ERBB3: variants seen among roughly 807,000 people sequenced by gnomAD.
ERBB3 encodes erb-b2 receptor tyrosine kinase 3.
Under a neutral mutation model 156.7 loss-of-function variants are expected in ERBB3, and 96 were observed. The ratio of observed to expected loss-of-function variants is 0.61; its 90% CI spans 0.52 to 0.73. The LOEUF (loss-of-function observed/expected upper bound fraction) is 0.73. ERBB3 is among the 30% of genes least tolerant of loss of function. The pLI, the probability that ERBB3 is intolerant of heterozygous loss-of-function variation, is 0.00. For synonymous variants in ERBB3, 567 were observed against 632.0 expected, an observed-to-expected ratio of 0.90 and a Z score of 1.54; for missense variants, 1,406 against 1,709.4, an observed-to-expected ratio of 0.82 and a Z score of 3.13.
At chr12:56,093,686 G>A in intron 12 of ERBB3, 78 bp from the exon 13 acceptor site, 1 of 1,595,854 alleles carries the variant, frequency 6.3e-7, no homozygotes, top group Non-Finnish European at 8.6e-7. Context: ...GCTGGAAGCA[G>A]TAACGAGGAA....
chr12:56,094,581 G>C, intron 15 of ERBB3, 25 bp downstream of exon 15: 1 of 1,612,488 alleles, frequency 6.2e-7, no homozygotes, highest in Non-Finnish European at 8.5e-7. Context: ...AATAAGGAGA[G>C]GGGGTCAGGT....
In ERBB3 at chr12:56,086,638, A is replaced by G. The variant is rs1446901933; in HGVS notation, c.529A>G (p.Lys177Glu). ...VRDRDAEIVVKDNGRSCPPCH... is the reference protein window; with the variant it reads ...VRDRDAEIVVEDNGRSCPPCH... ...GGACCGAGATGCTGAGATAGTGGTG[A>G]AGGACAATGGCAGAAGCTGTAAGTG... Residue 177 changes from lysine to glutamate, a missense_variant, in exon 4 of 28, where the codon AAG becomes GAG. Physicochemically the swap from Lys to Glu is moderately conservative, Grantham distance 56. Around this residue, in one of 3 missense-constraint regions of ERBB3, gnomAD observed 979 missense variants for 1,219.6 expected, o/e 0.80. Coordinates refer to ENST00000267101, the MANE Select transcript of ERBB3 (RefSeq NM_001982.4). 2.5e-6 allele frequency: 4 copies of G among 1,614,114 alleles called. No homozygotes were observed. The Admixed American group carries it at 5.0e-5, about 20-fold the overall frequency.
intron 9 of ERBB3, among the ~76,000 whole-genome samples, chr12:56,091,466 T>C (rs965377938): frequency 6.8e-6 from 1 of 146,016 alleles, no homozygotes; most frequent in Non-Finnish European, 1.5e-5. Flanking sequence ...TGGAGTGCAG[T>C]GGCGTGATCT....
Position 56,101,962 on chromosome 12 carries a change from T to C in ERBB3, c.3936T>C (p.Thr1312=), listed in dbSNP as rs776852010. 6.2e-7 allele frequency: 1 copy of C among 1,613,722 alleles called. No homozygotes were observed. The change falls in exon 28 of 28, where the codon ACT becomes ACC. Residue 1312 remains threonine (T), a synonymous_variant. Coordinates refer to ENST00000267101, the MANE Select transcript of ERBB3 (RefSeq NM_001982.4). ...APHVHYARLK[T]LRSLEATDSA... ...ATGTCCATTATGCCCGCCTAAAAAC[T>C]CTACGTAGCTTAGAGGCTACAGACT...
At position 56,086,546 on chromosome 12, in the gene ERBB3, G is replaced by C. The variant is rs374619740; in HGVS notation, c.437G>C (p.Gly146Ala). 8.1e-6 allele frequency: 13 copies of C among 1,614,008 alleles called. No individual in the cohort carries two copies. In the African/African-American group the frequency reaches 1.7e-4, roughly 22 times the overall value. The part of the protein sequence containing the change: ...LTQLTEILSG[G>A]VYIEKNDKLC... ...CCTACCTCAGAGATTCTGTCAGGGG[G>C]TGTTTATATTGAGAAGAACGATAAG... The change falls in exon 4 of 28, where the codon GGT (glycine) becomes GCT (alanine). Residue 146 changes from glycine (G) to alanine (A), a missense_variant. This residue lies in a region of ERBB3 where 979 missense variants were observed against 1,219.6 expected (regional missense o/e 0.80). Transcript: ENST00000267101.
upstream of ERBB3, chr12:56,080,109 C>T (rs1868333175): frequency 1.6e-6 from 1 of 632,490 alleles, no homozygotes; most frequent in East Asian, 2.7e-5. Flanking sequence ...CTCTCTCTCA[C>T]ACACACACAC....
At chr12:56,088,461 C>T in intron 7 of ERBB3, 82 bp from the exon 8 acceptor site, 2 of 1,114,574 alleles carry the variant, frequency 1.8e-6, no homozygotes, top group Admixed American at 1.7e-5. Flanking sequence ...CTGGAGGGAG[C>T]CTAGGCCCAG....
At position 56,094,083 on chromosome 12, in the gene ERBB3, T is replaced by C. The variant is rs1411306871; in HGVS notation, c.1614-16T>C. On this transcript the variant is annotated splice_polypyrimidine_tract_variant and intron_variant, in intron 13 of 27. Transcript: ENST00000267101. Reference sequence around the variant, plus strand: ...ACTTGGAAGTGACCCCCCCCTCCCTTTATTCCCCACTACAGGGAGCCTCGA... The same window carrying C: ...ACTTGGAAGTGACCCCCCCCTCCCTCTATTCCCCACTACAGGGAGCCTCGA... The C allele has an allele frequency of 6.2e-7, 1 of 1,606,884 alleles. No homozygotes were observed. The highest frequency in any genetic ancestry group is 1.7e-5 in the Admixed American group (1 of 60,012).
chr12:56,091,283 T>TATATATATAAATAATATATATAAATATAA lies in ERBB3; in HGVS notation c.1110-1455_1110-1454insAATAATATATATAAATATAAATATATATA, dbSNP rs1565858486. Among the ~76,000 whole-genome samples the TATATATATAAATAATATATATAAATATAA allele has an allele frequency of 6.0e-4, 31 of 51,742 alleles. No homozygotes were observed. The East Asian group carries it at 6.4e-3, about 11-fold the overall frequency. The allele number at this position is 51,742 out of a possible 152,430, so 33.9% of individuals were successfully genotyped here. A position where few individuals can be genotyped will look rare whatever the true frequency, so the allele number is the denominator to read the frequency against. On this transcript the variant is annotated intron_variant, in intron 9 of 27. Transcript: ENST00000267101. ...GGCTAATTTTATATATATATATATA[T>TATATATATAAATAATATATATAAATATAA]ATATATATATATAAATAATATATAT...
intron 1 of ERBB3, among the ~76,000 whole-genome samples, chr12:56,080,608 C>T (rs992032263): frequency 6.6e-6 from 1 of 152,198 alleles, no homozygotes; most frequent in Admixed American, 6.5e-5. Context: ...AGAGCGTCGC[C>T]GACCCTCTAA....
chr12:56,081,051 A>G (rs1365184232), intron 1 of ERBB3, among the ~76,000 whole-genome samples: 4 of 152,202 alleles, frequency 2.6e-5, no homozygotes, highest in African/African-American at 9.7e-5. Flanking sequence ...AGGTCAACAC[A>G]ACTCATATTT....
chr12:56,097,038 C>T lies in ERBB3; in HGVS notation c.2275-7C>T, dbSNP rs199876654. On this transcript the variant is annotated splice_region_variant and splice_polypyrimidine_tract_variant and intron_variant, in intron 19 of 27. Transcript: ENST00000267101. ...GTTTCCTAGATAATACCTTTTGTGT[C>T]TCTTAGCATATGCTGGCCATTGGCA... 8 of 1,613,898 alleles carry T rather than the reference C, an allele frequency of 5.0e-6. No homozygotes were observed. The East Asian group carries it at 1.8e-4, about 36-fold the overall frequency.
Position 56,097,994 on chromosome 12 carries a change from G to T in ERBB3, c.2616+54G>T. 6.3e-6 allele frequency: 10 copies of T among 1,580,812 alleles called. No individual in the cohort carries two copies. In the South Asian group the frequency reaches 1.1e-4, roughly 18 times the overall value. Reference sequence around the variant, plus strand: ...GGGGTGGAGTGAAGCATGGGGATAGGGAGCAGCCAGTGGTCTCTTCCAGAG... The same window carrying T: ...GGGGTGGAGTGAAGCATGGGGATAGTGAGCAGCCAGTGGTCTCTTCCAGAG... On this transcript the variant is annotated intron_variant, in intron 21 of 27. Transcript: ENST00000267101.
At position 56,088,774 on chromosome 12, in the gene ERBB3, C is replaced by A; in HGVS notation, c.1015C>A (p.Arg339Ser). 6.2e-7 allele frequency: 1 copy of A among 1,614,088 alleles called. No homozygotes were observed. Among genetic ancestry groups the A allele is most frequent in the Non-Finnish European group, 8.5e-7 (1 of 1,179,990 alleles). ...CTGTGAGGGAACAGGCTCTGGGAGC[C>A]GCTTCCAGACTGTGGACTCGAGCAA... The part of the protein sequence containing the change: ...KACEGTGSGS[R>S]FQTVDSSNID... Residue 339 changes from arginine to serine, a missense_variant, in exon 9 of 28, where the codon CGC becomes AGC. Arg to Ser is a moderately radical substitution (Grantham distance 110). Around this residue, in one of 3 missense-constraint regions of ERBB3, gnomAD observed 979 missense variants for 1,219.6 expected, o/e 0.80. Transcript: ENST00000267101.
chr12:56,090,241 C>G (rs994231391), intron 9 of ERBB3, among the ~76,000 whole-genome samples: 2 of 151,660 alleles, frequency 1.3e-5, no homozygotes, highest in African/African-American at 4.8e-5. Flanking sequence ...CTCAAGTGAT[C>G]CACCCGCCCC....
At position 56,094,100 on chromosome 12, in the gene ERBB3, G is replaced by A; in HGVS notation, c.1615G>A (p.Glu539Lys). ...CVTHCNFLNGEPREFAHEAEC... is the reference protein window; with the variant it reads ...CVTHCNFLNGKPREFAHEAEC... ...CCCTCCCTTTATTCCCCACTACAGG[G>A]AGCCTCGAGAATTTGCCCATGAGGC... Residue 539 changes from glutamate to lysine, a missense_variant and splice_region_variant, in exon 14 of 28, where the codon GAG becomes AAG. Physicochemically the swap from Glu to Lys is moderately conservative, Grantham distance 56 (BLOSUM62 1). This residue lies in a region of ERBB3 where 979 missense variants were observed against 1,219.6 expected (regional missense o/e 0.80). Coordinates refer to ENST00000267101, the MANE Select transcript of ERBB3 (RefSeq NM_001982.4). 4 of 1,613,976 alleles carry A rather than the reference G, an allele frequency of 2.5e-6. No homozygotes were observed. Among genetic ancestry groups the A allele is most frequent in the Non-Finnish European group, 3.4e-6 (4 of 1,179,898 alleles).
At position 56,099,880 on chromosome 12, in the gene ERBB3, G is replaced by A; in HGVS notation, c.2980G>A (p.Gly994Ser). The A allele has an allele frequency of 6.2e-7, 1 of 1,614,212 alleles. No homozygotes were observed. Among genetic ancestry groups the A allele is most frequent in the South Asian group, 1.1e-5 (1 of 91,078 alleles). The change falls in exon 25 of 28, where the codon GGT becomes AGT. Residue 994 changes from glycine (G) to serine (S), a missense_variant. Transcript: ENST00000267101. ...AATAGCCCCTGGGCCAGAGCCCCAT[G>A]GTCTGACAAACAAGAAGCTAGAGGA... ...PGIAPGPEPH[G>S]LTNKKLEEVE...
At chr12:56,096,703 C>A (rs1356627942) in intron 18 of ERBB3, 45 bp from the exon 19 acceptor site, 3 of 1,612,404 alleles carry the variant, frequency 1.9e-6, no homozygotes, top group South Asian at 2.2e-5. Flanking sequence ...TAGGATTGAC[C>A]TAGGGAGAAT....
chr12:56,097,259 T>C (rs1307570322), intron 20 of ERBB3, 29 bp downstream of exon 20: 1 of 1,604,630 alleles, frequency 6.2e-7, no homozygotes, highest in South Asian at 1.1e-5. Context: ...AATTCTGTGA[T>C]AAGAACTGCT....
Sources: gnomAD v4.1 joint callset for allele counts (sites outside exome capture counted in the v4.1 genomes callset) on GRCh38, gnomAD v4.1.1 for gene constraint, gnomAD v4.1.1 regional missense constraint, MANE v1.5 for transcripts, NCBI Gene and HGNC (gene_info 2026-07-23, HGNC 2026-07-21) for gene names.